The following GPC5 variants were observed in gnomAD, a reference collection of about 807,000 sequenced individuals.
GPC5 encodes the protein glypican-5.
A neutral mutation model predicts 53.9 loss-of-function variants in GPC5; 47 were observed. The ratio of observed to expected loss-of-function variants is 0.87; its 90% CI spans 0.69 to 1.11. The LOEUF (loss-of-function observed/expected upper bound fraction) is 1.11, where lower values mean the gene tolerates loss of function less well. GPC5 is among the 50% of genes most tolerant of loss of function. The pLI, the probability that GPC5 is intolerant of heterozygous loss-of-function variation, is 0.00. For missense variants in GPC5, 748 were observed against 713.1 expected, an observed-to-expected ratio of 1.05 and a Z score of -0.56; for synonymous variants, 286 against 263.3, an observed-to-expected ratio of 1.09 and a Z score of -0.84.
At chr13:91,695,860 G>A (rs1024686959) in intron 3 of GPC5, among the ~76,000 whole-genome samples, 3 of 152,180 alleles carry the variant, frequency 2.0e-5, no homozygotes, top group Non-Finnish European at 4.4e-5. Context: ...TTGGAAACCT[G>A]AAGGGCCTTT....
intron 5 of GPC5, among the ~76,000 whole-genome samples, chr13:91,825,504 A>G (rs1205002892): frequency 6.6e-6 from 1 of 152,104 alleles, no homozygotes; most frequent in Non-Finnish European, 1.5e-5. Context: ...AAAGTGAACC[A>G]CTTCATTCCA....
intron 2 of GPC5, among the ~76,000 whole-genome samples, chr13:91,674,794 A>T (rs1332173223): frequency 6.6e-6 from 1 of 151,410 alleles, no homozygotes; most frequent in East Asian, 1.9e-4. Context: ...TTTAGACATT[A>T]AAACATCATT....
intron 6 of GPC5, among the ~76,000 whole-genome samples, chr13:91,918,992 G>A (rs2039685556): frequency 6.6e-6 from 1 of 152,048 alleles, no homozygotes; most frequent in Admixed American, 6.5e-5. Context: ...ATTGTATTGG[G>A]TTAGCAAACT....
At chr13:92,841,204 G>C (rs1312337494) in intron 7 of GPC5, among the ~76,000 whole-genome samples, 1 of 151,972 alleles carries the variant, frequency 6.6e-6, no homozygotes, top group African/African-American at 2.4e-5. Context: ...TTTGATATTT[G>C]CATCATCATT....
chr13:92,284,802 A>G (rs1214562369), intron 7 of GPC5, among the ~76,000 whole-genome samples: 1 of 152,144 alleles, frequency 6.6e-6, no homozygotes, highest in East Asian at 1.9e-4. Flanking sequence ...ATGGGCAAAA[A>G]CTGGAAGCAT....
At chr13:92,168,139 A>C (rs1480505568) in intron 7 of GPC5, among the ~76,000 whole-genome samples, 1 of 152,182 alleles carries the variant, frequency 6.6e-6, no homozygotes, top group Non-Finnish European at 1.5e-5. Context: ...TTCTAGATGG[A>C]GGAGTCTGTC....
chr13:92,820,724 T>C (rs966893732), intron 7 of GPC5, among the ~76,000 whole-genome samples: 3 of 152,208 alleles, frequency 2.0e-5, no homozygotes, highest in African/African-American at 4.8e-5. Flanking sequence ...TTCTTCCTTC[T>C]ACCTAGAACA....
intron 7 of GPC5, among the ~76,000 whole-genome samples, chr13:92,161,339 C>T (rs1490699190): frequency 6.6e-6 from 1 of 152,122 alleles, no homozygotes; most frequent in Admixed American, 6.5e-5. Context: ...GCCTCACAGT[C>T]CCTGCCACAG....
chr13:92,016,900 A>G (rs529301366), intron 6 of GPC5, among the ~76,000 whole-genome samples: 25 of 152,040 alleles, frequency 1.6e-4, no homozygotes, highest in African/African-American at 5.8e-4. Flanking sequence ...CTTTGTTACT[A>G]TTTCCCAATG....
chr13:92,646,929 C>CGTGTGTGTGTGT (rs372426651), intron 7 of GPC5, among the ~76,000 whole-genome samples: 91 of 135,148 alleles, frequency 6.7e-4, no homozygotes, highest in South Asian at 5.0e-3. Flanking sequence ...TATATATAAA[C>CGTGTGTGTGTGT]ATGTGTGTGT....
At chr13:92,034,227 G>A (rs533649287) in intron 6 of GPC5, among the ~76,000 whole-genome samples, 19 of 152,136 alleles carry the variant, frequency 1.2e-4, no homozygotes, top group Admixed American at 5.9e-4. Context: ...CAGGTGCAGC[G>A]GCTCACGTCT....
At chr13:92,407,434 C>T (rs1875842523) in intron 7 of GPC5, among the ~76,000 whole-genome samples, 1 of 152,102 alleles carries the variant, frequency 6.6e-6, no homozygotes, top group Non-Finnish European at 1.5e-5. Context: ...GATATTAAGC[C>T]AACTACTCCT....
chr13:92,472,795 G>A (rs1878962285), intron 7 of GPC5, among the ~76,000 whole-genome samples: 1 of 152,036 alleles, frequency 6.6e-6, no homozygotes, highest in Non-Finnish European at 1.5e-5. Flanking sequence ...TTATGTCTGA[G>A]GGTTCCCAGA....
intron 3 of GPC5, among the ~76,000 whole-genome samples, chr13:91,699,193 A>G (rs541927425): frequency 3.8e-4 from 58 of 152,346 alleles, no homozygotes; most frequent in African/African-American, 1.4e-3. Flanking sequence ...ATTGGAATGA[A>G]TAAGTAGAAT....
intron 6 of GPC5, among the ~76,000 whole-genome samples, chr13:91,982,118 C>G (rs1339083649): frequency 2.6e-5 from 4 of 152,140 alleles, no homozygotes; most frequent in Non-Finnish European, 4.4e-5. Flanking sequence ...GTGTTGTAAG[C>G]AATCACACTG....
intron 2 of GPC5, among the ~76,000 whole-genome samples, chr13:91,509,195 A>G (rs965161954): frequency 2.6e-5 from 4 of 151,968 alleles, no homozygotes; most frequent in African/African-American, 9.7e-5. Flanking sequence ...AATTGCAGGT[A>G]TAGTAGTGAG....
chr13:91,752,420 CAGTT>C (rs1303998988), intron 4 of GPC5, among the ~76,000 whole-genome samples: 1 of 152,146 alleles, frequency 6.6e-6, no homozygotes, highest in Non-Finnish European at 1.5e-5. Context: ...TCTCCAAACA[CAGTT>C]AGGATTTCAA....
rs534143237 is a variant in GPC5 at position 92,207,789 on chromosome 13, CTG to C, written c.1561+62803_1561+62804del. 1.2e-3 allele frequency among the ~76,000 whole-genome samples: 177 copies of C among 152,288 alleles called. 2 individuals carry two copies. Among genetic ancestry groups the C allele is most frequent in the Admixed American group, 9.9e-3 (152 of 15,294 alleles). ...CTGTAAAATTTCTTGGTCTGAGAAACTGTGAATTGGTTGTCCAAGTTGGTGCA... is the reference window on the plus strand; with the variant it reads ...CTGTAAAATTTCTTGGTCTGAGAAACTGAATTGGTTGTCCAAGTTGGTGCA... On this transcript the variant is annotated intron_variant, in intron 7 of 7. Transcript: ENST00000377067.
chr13:91,531,912 C>A (rs1230166171), intron 2 of GPC5, among the ~76,000 whole-genome samples: 2 of 152,096 alleles, frequency 1.3e-5, no homozygotes, highest in East Asian at 3.8e-4. Flanking sequence ...TCTCTTAGAT[C>A]TTTCTGCTAA....
Sources: allele counts gnomAD v4.1 joint callset (sites outside exome capture counted in the v4.1 genomes callset), GRCh38; gene constraint gnomAD v4.1.1; transcripts MANE v1.5; gene names NCBI Gene and HGNC (gene_info 2026-07-23, HGNC 2026-07-21).